Variants in TRADD observed in about 807,000 individuals in gnomAD.
TRADD encodes TNFRSF1A associated via death domain, also known as tumor necrosis factor receptor type 1-associated DEATH domain protein.
TRADD carries 14 observed loss-of-function variants against 31.5 expected under a neutral mutation model. That is an observed-to-expected ratio of 0.44 (90% CI 0.29 to 0.69). TRADD has a LOEUF of 0.69. Among genes scored for constraint, TRADD ranks in the 30% least tolerant of loss-of-function variants. The probability of loss-of-function intolerance (pLI) is 0.11; values close to 1 mark genes in which losing one functional copy is unlikely to be tolerated. For missense variants in TRADD, 388 were observed against 435.7 expected, an observed-to-expected ratio of 0.89 and a Z score of 0.97; for synonymous variants, 220 against 215.8, an observed-to-expected ratio of 1.02 and a Z score of -0.17.
In TRADD at chr16:67,156,057, C is replaced by T. The variant is rs913425938; in HGVS notation, c.152-403G>A. The T allele has an allele frequency of 7.4e-7, 1 of 1,356,530 alleles. No homozygotes were observed. Among genetic ancestry groups the T allele is most frequent in the African/African-American group, 1.5e-5 (1 of 68,438 alleles). The allele number at this position is 1,356,530 out of a possible 1,614,324, so 84.0% of individuals were successfully genotyped here. A position where few individuals can be genotyped will look rare whatever the true frequency, so the allele number is the denominator to read the frequency against. ...CCTCCACCAAGCGCGACTCCCACTG[C>T]TCGGGAAGAAGAGGGGCTCTCGCCG... is the stretch of plus-strand genomic sequence containing the variant. On this transcript the variant is annotated intron_variant, in intron 2 of 4. Coordinates refer to ENST00000345057, the MANE Select transcript of TRADD (RefSeq NM_003789.4). This position sits in a 1 kb window ranked among gnomAD's most constrained non-coding sequence, Gnocchi z 4.6.
Position 67,155,416 on chromosome 16 carries a change from C to G in TRADD, c.390G>C (p.Ala130=). The change falls in exon 3 of 5, where the codon GCG becomes GCC. Residue 130 remains alanine (A), a synonymous_variant. Transcript: ENST00000345057. ...TGCAACTCAAACAGCGCTCCTCGTC[C>G]GCCAGCAAAGCGTCCAGCCGCTCGG... ...AGAERLDALL[A]DEERCLSCIL... 3 of 1,597,958 alleles carry G rather than the reference C, an allele frequency of 1.9e-6. No homozygotes were observed. The highest frequency in any genetic ancestry group is 2.5e-6 in the Non-Finnish European group (3 of 1,179,508).
Position 67,154,973 on chromosome 16 carries a change from G to C in TRADD, c.629-14C>G. On this transcript the variant is annotated splice_polypyrimidine_tract_variant and intron_variant, in intron 4 of 4. Transcript: ENST00000345057. The surrounding 1 kb of genome is among the most constrained non-coding windows in gnomAD (Gnocchi z 5.2). ...GCGGCCGATTCACTGCAGAGGGAGT[G>C]GGGAAACGGGGTGAGGGCGGGGACC... The C allele has an allele frequency of 6.2e-7, 1 of 1,606,616 alleles. No homozygotes were observed. The highest frequency in any genetic ancestry group is 8.5e-7 in the Non-Finnish European group (1 of 1,177,294).
chr16:67,158,984 G>A (rs780037871), intron 1 of TRADD, among the ~76,000 whole-genome samples: 2 of 152,186 alleles, frequency 1.3e-5, no homozygotes, highest in Non-Finnish European at 2.9e-5. Context: ...GGGAGGTGGG[G>A]AGTACTGGGA....
At position 67,156,718 on chromosome 16, in the gene TRADD, C is replaced by A; in HGVS notation, c.-8-50G>T. 6.2e-7 allele frequency: 1 copy of A among 1,608,012 alleles called. No individual in the cohort carries two copies. Among genetic ancestry groups the A allele is most frequent in the South Asian group, 1.1e-5 (1 of 91,060 alleles). On this transcript the variant is annotated intron_variant, in intron 1 of 4. Transcript: ENST00000345057. This position sits in a 1 kb window ranked among gnomAD's most constrained non-coding sequence, Gnocchi z 4.6. The stretch of plus-strand genomic sequence containing the variant: ...CCAGTTCATCCCCCCTCCCTCCACC[C>A]TGGAGACAACTACCCAGCCCCACGT...
In TRADD at chr16:67,155,211, G is replaced by T; in HGVS notation, c.513C>A (p.Gly171=). 6.3e-7 allele frequency: 1 copy of T among 1,592,410 alleles called. No individual in the cohort carries two copies. ...NLKCGSGARG[G]DGEVASAPLQ... ...AGGGGGCCGAAGCGACCTCCCCGTC[G>T]CCACCCCGGGCCCCCGAGCCGCACT... The change falls in exon 4 of 5, where the codon GGC becomes GGA. Residue 171 remains glycine (G), a synonymous_variant. Transcript: ENST00000345057.
At chr16:67,157,309 G>T (rs1267861602) in intron 1 of TRADD, among the ~76,000 whole-genome samples, 1 of 152,142 alleles carries the variant, frequency 6.6e-6, no homozygotes, top group East Asian at 1.9e-4. Context: ...TACCAGACCT[G>T]GCCAATCTGC....
chr16:67,156,496 GC>G lies in TRADD; in HGVS notation c.151+13del. On this transcript the variant is annotated intron_variant, in intron 2 of 4. Transcript: ENST00000345057. The surrounding 1 kb of genome is among the most constrained non-coding windows in gnomAD (Gnocchi z 4.6). ...GCCACCCCTTCCTCTCCACATGCCC[GC>G]CCATCCACGCACCTGCCAAGGCAGC... The G allele has an allele frequency of 6.2e-7, 1 of 1,609,848 alleles. No homozygotes were observed.
intron 3 of TRADD, 30 bp from the exon 4 acceptor site, chr16:67,155,324 G>A (rs1476683409): frequency 9.9e-6 from 16 of 1,608,452 alleles, no homozygotes; most frequent in Non-Finnish European, 1.4e-5. Context: ...CGTCACGGGG[G>A]ACTTAACCGC....
At chr16:67,155,031 A>G in intron 4 of TRADD, 65 bp downstream of exon 4, 1 of 521,734 alleles carries the variant, frequency 1.9e-6, no homozygotes, top group Non-Finnish European at 3.5e-6. Context: ...CCCACCCGGC[A>G]ACGACCCCTG....
At position 67,156,662 on chromosome 16, in the gene TRADD, T is replaced by G. The variant is rs762178067; in HGVS notation, c.-2A>C. 2.5e-6 allele frequency: 4 copies of G among 1,613,878 alleles called. No homozygotes were observed. Among genetic ancestry groups the G allele is most frequent in the Non-Finnish European group, 3.4e-6 (4 of 1,180,008 alleles). On this transcript the variant is annotated 5_prime_UTR_variant, in exon 2 of 5. Transcript: ENST00000345057. This position sits in a 1 kb window ranked among gnomAD's most constrained non-coding sequence, Gnocchi z 4.6. ...GTGCCCATTTTGCCCAGCTGCCATC[T>G]CACCTCCTGGAGATGCAGACAGTCA...
At position 67,156,634 on chromosome 16, in the gene TRADD, T is replaced by C; in HGVS notation, c.27A>G (p.Glu9=). The C allele has an allele frequency of 6.2e-7, 1 of 1,614,118 alleles. No individual in the cohort carries two copies. The highest frequency in any genetic ancestry group is 8.5e-7 in the Non-Finnish European group (1 of 1,180,034). Residue 9 remains glutamate, a synonymous_variant, in exon 2 of 5, where the codon GAA becomes GAG. Coordinates refer to ENST00000345057, the MANE Select transcript of TRADD (RefSeq NM_003789.4). This position sits in a 1 kb window ranked among gnomAD's most constrained non-coding sequence, Gnocchi z 4.6. MAAGQNGH[E]EWVGSAYLFV... ...ACAGGTATGCGCTGCCCACCCACTC[T>C]TCGTGCCCATTTTGCCCAGCTGCCA...
chr16:67,155,893 C>T (rs2030674906), intron 2 of TRADD: 1 of 1,522,048 alleles, frequency 6.6e-7, no homozygotes, highest in African/African-American at 1.4e-5. Flanking sequence ...ACCTAACCCC[C>T]GCTCTCACGC....
chr16:67,155,298 G>T lies in TRADD; in HGVS notation c.430-4C>A. 6.2e-7 allele frequency: 1 copy of T among 1,610,442 alleles called. No homozygotes were observed. Among genetic ancestry groups the T allele is most frequent in the Admixed American group, 1.7e-5 (1 of 59,924 alleles). ...CTTCATCCCGGAGCCGGTCGGGCTA[G>T]GGGAATGGAACGTGCCGTCACGGGG... On this transcript the variant is annotated splice_polypyrimidine_tract_variant and splice_region_variant and intron_variant, in intron 3 of 4. Transcript: ENST00000345057.
Position 67,155,213 on chromosome 16 carries a change from C to A in TRADD, c.511G>T (p.Gly171Cys). 6.3e-7 allele frequency: 1 copy of A among 1,594,734 alleles called. No individual in the cohort carries two copies. Among genetic ancestry groups the A allele is most frequent in the Admixed American group, 1.7e-5 (1 of 58,364 alleles). ...GGGGCCGAAGCGACCTCCCCGTCGC[C>A]ACCCCGGGCCCCCGAGCCGCACTTC... ...NLKCGSGARG[G>C]DGEVASAPLQ... Residue 171 changes from glycine to cysteine, a missense_variant, in exon 4 of 5, where the codon GGC (glycine) becomes TGC (cysteine). Transcript: ENST00000345057.
In TRADD at chr16:67,155,081, C is replaced by T. The variant is rs760793792; in HGVS notation, c.628+15G>A. ...CCAACCTCCTGGTGACCCCGCCTCT[C>T]CACCTGCGCCTCACCTACAGGCTGA... On this transcript the variant is annotated intron_variant, in intron 4 of 4. Coordinates refer to ENST00000345057, the MANE Select transcript of TRADD (RefSeq NM_003789.4). 1 of 1,543,942 alleles carries T rather than the reference C, an allele frequency of 6.5e-7. No individual in the cohort carries two copies. The highest frequency in any genetic ancestry group is 8.7e-7 in the Non-Finnish European group (1 of 1,147,206).
chr16:67,155,339 C>A, intron 3 of TRADD, 38 bp downstream of exon 3: 1 of 1,605,542 alleles, frequency 6.2e-7, no homozygotes, highest in South Asian at 1.1e-5. Context: ...AACCGCGGAT[C>A]CCCGCCCTAC....
Position 67,156,598 on chromosome 16 carries a change from G to T in TRADD, c.63C>A (p.Ser21=), listed in dbSNP as rs1219219921. 19 of 1,613,968 alleles carry T rather than the reference G, an allele frequency of 1.2e-5. No individual in the cohort carries two copies. Among genetic ancestry groups the T allele is most frequent in the Non-Finnish European group, 1.4e-5 (16 of 1,180,038 alleles). The change falls in exon 2 of 5, where the codon TCC becomes TCA. Residue 21 remains serine (S), a synonymous_variant. Transcript: ENST00000345057. This position sits in a 1 kb window ranked among gnomAD's most constrained non-coding sequence, Gnocchi z 4.6. ...WVGSAYLFVE[S]SLDKVVLSDA... ...CCGACAGGACCACCTTGTCCAGCGA[G>T]GACTCCACAAACAGGTATGCGCTGC...
At position 67,156,239 on chromosome 16, in the gene TRADD, T is replaced by A; in HGVS notation, c.151+271A>T. ...GAAAAGAGGAGAGAGACATCCACAATTAGTAGAAAGGAGTGAGCCGGCTGG... is the reference window on the plus strand; with the variant it reads ...GAAAAGAGGAGAGAGACATCCACAAATAGTAGAAAGGAGTGAGCCGGCTGG... On this transcript the variant is annotated intron_variant, in intron 2 of 4. Transcript: ENST00000345057. This position sits in a 1 kb window ranked among gnomAD's most constrained non-coding sequence, Gnocchi z 4.6. The A allele has an allele frequency of 6.9e-7, 1 of 1,453,664 alleles. No homozygotes were observed. Among genetic ancestry groups the A allele is most frequent in the Non-Finnish European group, 9.2e-7 (1 of 1,092,482 alleles). 90.0% of individuals were successfully genotyped at this position (1,453,664 alleles called of 1,614,324 possible).
At chr16:67,158,257 C>T (rs569877374) in intron 1 of TRADD, among the ~76,000 whole-genome samples, 2 of 152,342 alleles carry the variant, frequency 1.3e-5, no homozygotes, top group Admixed American at 6.5e-5. Context: ...CCTTGACCTT[C>T]CCAGCTCAAG....
Sources: gnomAD v4.1 joint callset for allele counts (sites outside exome capture counted in the v4.1 genomes callset) on GRCh38, gnomAD v4.1.1 for gene constraint, Gnocchi (gnomAD v3.1) non-coding constraint, MANE v1.5 for transcripts, NCBI Gene and HGNC (gene_info 2026-07-23, HGNC 2026-07-21) for gene names.